Variants in SGCZ observed in about 807,000 individuals in gnomAD.
SGCZ encodes sarcoglycan zeta.
SGCZ carries 40 observed loss-of-function variants against 41.3 expected under a neutral mutation model. That is an observed-to-expected ratio of 0.97 (90% CI 0.75 to 1.26). The LOEUF is 1.26. Ranked by LOEUF, SGCZ falls within the 50% of genes most tolerant of loss-of-function variation. The pLI is 0.00. For missense variants in SGCZ, 552 were observed against 369.8 expected, an observed-to-expected ratio of 1.49 and a Z score of -4.04; for synonymous variants, 206 against 137.5, an observed-to-expected ratio of 1.50 and a Z score of -3.49.
chr8:14,087,559 A>G lies in SGCZ; in HGVS notation c.*2884T>C, dbSNP rs1334546983. Reference sequence around the variant, plus strand: ...GATAGCTTAGTCGCATCCATGTAGTACACTATAAAGGACTCATTTTTCTCA... The same window carrying G: ...GATAGCTTAGTCGCATCCATGTAGTGCACTATAAAGGACTCATTTTTCTCA... On this transcript the variant is annotated 3_prime_UTR_variant, in exon 8 of 8. Coordinates refer to ENST00000382080, the MANE Select transcript of SGCZ (RefSeq NM_139167.4). Among the ~76,000 whole-genome samples the G allele has an allele frequency of 1.3e-5, 2 of 151,592 alleles. No individual in the cohort carries two copies. The highest frequency in any genetic ancestry group is 2.4e-5 in the African/African-American group (1 of 41,334).
At chr8:15,146,115 T>A (rs1003918670) in intron 1 of SGCZ, among the ~76,000 whole-genome samples, 1 of 150,078 alleles carries the variant, frequency 6.7e-6, no homozygotes, top group Admixed American at 6.8e-5. Context: ...CAATTTGAAA[T>A]AAATGAATGA....
intron 1 of SGCZ, among the ~76,000 whole-genome samples, chr8:14,867,141 T>TTTTC (rs983149987): frequency 1.3e-5 from 2 of 152,244 alleles, no homozygotes; most frequent in African/African-American, 4.8e-5. Context: ...TCGCTCATTC[T>TTTTC]TTTCTTTCTT....
At chr8:14,710,246 T>G (rs560982810) in intron 1 of SGCZ, among the ~76,000 whole-genome samples, 56 of 151,620 alleles carry the variant, frequency 3.7e-4, no homozygotes, top group African/African-American at 1.3e-3. Flanking sequence ...GGCAGGCGCC[T>G]GTAGTCCCCA....
At chr8:14,608,945 G>C (rs1162195689) in intron 1 of SGCZ, among the ~76,000 whole-genome samples, 1 of 152,028 alleles carries the variant, frequency 6.6e-6, no homozygotes, top group Non-Finnish European at 1.5e-5. Context: ...TTTGACTCTG[G>C]TGATAGAAGA....
At chr8:14,232,708 C>A (rs1036087505) in intron 4 of SGCZ, among the ~76,000 whole-genome samples, 4 of 151,906 alleles carry the variant, frequency 2.6e-5, no homozygotes, top group Admixed American at 6.6e-5. Flanking sequence ...CCCATTAACT[C>A]GTCATTTAGC....
intron 1 of SGCZ, among the ~76,000 whole-genome samples, chr8:15,013,011 T>C (rs1802896950): frequency 6.6e-6 from 1 of 152,076 alleles, no homozygotes. Context: ...TAGTATGGTG[T>C]CTGGTGCCAA....
rs539952360 is a variant in SGCZ, at chr8:15,142,275, A to G, written c.39+95310T>C. ...TATGTTTAGGCAGGCACTGAGTAGGAGAAATGTTGTTTCTTATTGCACTCT... is the reference window on the plus strand; with the variant it reads ...TATGTTTAGGCAGGCACTGAGTAGGGGAAATGTTGTTTCTTATTGCACTCT... On this transcript the variant is annotated intron_variant, in intron 1 of 7. Coordinates refer to ENST00000382080, the MANE Select transcript of SGCZ (RefSeq NM_139167.4). Among the ~76,000 whole-genome samples, 7 of 152,224 alleles carry G rather than the reference A, an allele frequency of 4.6e-5. No homozygotes were observed. In the South Asian group the frequency reaches 1.5e-3, roughly 32 times the overall value.
chr8:15,030,077 G>C (rs903207994), intron 1 of SGCZ, among the ~76,000 whole-genome samples: 1 of 152,150 alleles, frequency 6.6e-6, no homozygotes, highest in African/African-American at 2.4e-5. Flanking sequence ...TAATTGAGGA[G>C]ATGGACATGA....
intron 1 of SGCZ, among the ~76,000 whole-genome samples, chr8:14,872,963 T>C (rs1361545190): frequency 2.6e-5 from 4 of 152,162 alleles, no homozygotes; most frequent in African/African-American, 4.8e-5. Flanking sequence ...AGTCAAACGT[T>C]TAACTTGATA....
At chr8:14,645,621 C>A (rs904796200) in intron 1 of SGCZ, among the ~76,000 whole-genome samples, 15 of 151,208 alleles carry the variant, frequency 9.9e-5, no homozygotes, top group Non-Finnish European at 2.1e-4. Flanking sequence ...TGAAAATGAT[C>A]TTTTCCTATC....
At chr8:14,680,984 G>GA (rs1319699778) in intron 1 of SGCZ, among the ~76,000 whole-genome samples, 47 of 79,238 alleles carry the variant, frequency 5.9e-4, no homozygotes, top group Non-Finnish European at 1.1e-3. Context: ...AAAAAAAACA[G>GA]AAAATCGGTG....
chr8:15,036,435 C>CA (rs1051683013), intron 1 of SGCZ, among the ~76,000 whole-genome samples: 1 of 151,680 alleles, frequency 6.6e-6, no homozygotes, highest in Non-Finnish European at 1.5e-5. Context: ...GAGAGGATGA[C>CA]AAAAAATAAC....
intron 1 of SGCZ, among the ~76,000 whole-genome samples, chr8:14,618,600 G>A (rs1014147983): frequency 6.6e-6 from 1 of 152,160 alleles, no homozygotes; most frequent in Admixed American, 6.6e-5. Context: ...TCATTCAAAA[G>A]ACTTTATCTT....
chr8:14,883,227 G>C (rs1173276349), intron 1 of SGCZ, among the ~76,000 whole-genome samples: 3 of 128,842 alleles, frequency 2.3e-5, no homozygotes, highest in Non-Finnish European at 4.6e-5. Flanking sequence ...CCTCAATGTT[G>C]GGCTACTTAA....
intron 3 of SGCZ, among the ~76,000 whole-genome samples, chr8:14,268,123 C>A (rs1222739348): frequency 6.7e-6 from 1 of 150,078 alleles, no homozygotes; most frequent in Non-Finnish European, 1.5e-5. Flanking sequence ...TATATTGTAT[C>A]TTTGAATAGT....
intron 4 of SGCZ, among the ~76,000 whole-genome samples, chr8:14,169,435 C>T (rs903800980): frequency 2.0e-5 from 3 of 152,082 alleles, no homozygotes; most frequent in Non-Finnish European, 2.9e-5. Flanking sequence ...CAGTAACTTC[C>T]AAGTCAGTAA....
At chr8:14,458,979 G>T (rs937439142) in intron 2 of SGCZ, among the ~76,000 whole-genome samples, 1 of 152,110 alleles carries the variant, frequency 6.6e-6, no homozygotes, top group African/African-American at 2.4e-5. Context: ...GGACATAGTG[G>T]CCAACTTGAC....
chr8:15,086,234 C>A (rs1396263318), intron 1 of SGCZ, among the ~76,000 whole-genome samples: 1 of 152,124 alleles, frequency 6.6e-6, no homozygotes, highest in Non-Finnish European at 1.5e-5. Context: ...AACAATATAA[C>A]AATCTCTCCT....
intron 1 of SGCZ, among the ~76,000 whole-genome samples, chr8:14,643,136 G>A (rs1443640042): frequency 1.3e-5 from 2 of 151,452 alleles, no homozygotes; most frequent in African/African-American, 4.8e-5. Context: ...TTTAAAACAT[G>A]AATAGCAAAA....
Sources: gnomAD v4.1 joint callset for allele counts (sites outside exome capture counted in the v4.1 genomes callset) on GRCh38, gnomAD v4.1.1 for gene constraint, MANE v1.5 for transcripts, NCBI Gene and HGNC (gene_info 2026-07-23, HGNC 2026-07-21) for gene names.